GRIP1: variants seen among roughly 807,000 people sequenced by gnomAD.
The protein encoded by GRIP1 is glutamate receptor-interacting protein 1.
A neutral mutation model predicts 129.9 loss-of-function variants in GRIP1; 45 were observed. The ratio of observed to expected loss-of-function variants is 0.35; its 90% CI spans 0.27 to 0.44. The LOEUF (loss-of-function observed/expected upper bound fraction) is 0.44, where lower values mean the gene tolerates loss of function less well. GRIP1 is among the 20% of genes least tolerant of loss of function. The pLI, the probability that GRIP1 is intolerant of heterozygous loss-of-function variation, is 1.00. For synonymous variants in GRIP1, 530 were observed against 520.8 expected, an observed-to-expected ratio of 1.02 and a Z score of -0.24; for missense variants, 1,196 against 1,396.8, an observed-to-expected ratio of 0.86 and a Z score of 2.29.
chr12:66,498,324 T>A (rs570588986), intron 7 of GRIP1, among the ~76,000 whole-genome samples: 1 of 152,272 alleles, frequency 6.6e-6, no homozygotes, highest in Admixed American at 6.5e-5. Flanking sequence ...ATGCCTGAGA[T>A]GGGGAAGATG....
At chr12:66,978,829 C>T (rs1210414049) in intron 1 of GRIP1, among the ~76,000 whole-genome samples, 1 of 152,160 alleles carries the variant, frequency 6.6e-6, no homozygotes, top group Non-Finnish European at 1.5e-5. Flanking sequence ...TTTTCTTTCA[C>T]TTGATCTGAC....
At chr12:66,610,377 A>G (rs2064743205) in intron 1 of GRIP1, among the ~76,000 whole-genome samples, 1 of 152,124 alleles carries the variant, frequency 6.6e-6, no homozygotes, top group African/African-American at 2.4e-5. Flanking sequence ...AGTAGATCCA[A>G]AAGGACTCCT....
chr12:66,932,680 G>GT lies in GRIP1; in HGVS notation c.58+136369dup, dbSNP rs567617733. Among the ~76,000 whole-genome samples, 27 of 151,574 alleles carry GT rather than the reference G, an allele frequency of 1.8e-4. No homozygotes were observed. The South Asian group carries it at 5.0e-3, about 28-fold the overall frequency. ...TCAATGTTTTTTGTTTTTGTTTTTT[G>GT]TTTTTTTAGATGGAGTGTCACTCTG... On this transcript the variant is annotated intron_variant, in intron 1 of 1. Transcript: ENST00000643019.
chr12:66,656,552 G>GT (rs983964531), intron 1 of GRIP1, among the ~76,000 whole-genome samples: 2 of 151,968 alleles, frequency 1.3e-5, no homozygotes, highest in Non-Finnish European at 2.9e-5. Context: ...TTGCACTGTT[G>GT]TTTTTCTTAT....
At chr12:66,703,468 G>A (rs536807154) in intron 1 of GRIP1, among the ~76,000 whole-genome samples, 4 of 152,172 alleles carry the variant, frequency 2.6e-5, no homozygotes, top group South Asian at 2.1e-4. Context: ...GGGAAGATCC[G>A]CTAGGAGGTG....
intron 2 of GRIP1, among the ~76,000 whole-genome samples, chr12:66,553,857 T>C (rs932613861): frequency 2.0e-5 from 3 of 151,918 alleles, no homozygotes; most frequent in Non-Finnish European, 2.9e-5. Flanking sequence ...GAGGAAGCAT[T>C]TGGACCAGCC....
intron 1 of GRIP1, among the ~76,000 whole-genome samples, chr12:66,664,683 T>C (rs1281285116): frequency 2.0e-5 from 3 of 152,206 alleles, no homozygotes; most frequent in Admixed American, 2.0e-4. Context: ...TTCACCTTAA[T>C]AATTGTGGTG....
chr12:66,871,861 G>C (rs1417237461), intron 1 of GRIP1, among the ~76,000 whole-genome samples: 1 of 152,000 alleles, frequency 6.6e-6, no homozygotes, highest in Non-Finnish European at 1.5e-5. Flanking sequence ...TATATAAATT[G>C]GTACAGAGTT....
intron 1 of GRIP1, among the ~76,000 whole-genome samples, chr12:66,962,496 T>G (rs187657701): frequency 1.0e-3 from 156 of 152,080 alleles, no homozygotes; most frequent in Non-Finnish European, 1.7e-3. Flanking sequence ...TAAATAATAC[T>G]AAAAAGCGAA....
chr12:66,736,657 G>T (rs1032595669), intron 1 of GRIP1, among the ~76,000 whole-genome samples: 1 of 151,714 alleles, frequency 6.6e-6, no homozygotes, highest in African/African-American at 2.4e-5. Context: ...AAGAAAATCT[G>T]CACACTAGTG....
intron 4 of GRIP1, among the ~76,000 whole-genome samples, chr12:66,537,828 G>T (rs2061651815): frequency 6.6e-6 from 1 of 152,152 alleles, no homozygotes; most frequent in Admixed American, 6.5e-5. Flanking sequence ...AAGAAAGTTG[G>T]CTTTGCCATT....
intron 1 of GRIP1, among the ~76,000 whole-genome samples, chr12:66,775,697 T>A (rs1454487340): frequency 6.6e-6 from 1 of 151,640 alleles, no homozygotes; most frequent in African/African-American, 2.4e-5. Flanking sequence ...TAATAATTAT[T>A]TATAAAGTTA....
At chr12:66,379,189 A>T in intron 20 of GRIP1, 91 bp downstream of exon 20, 1 of 1,289,206 alleles carries the variant, frequency 7.8e-7, no homozygotes, top group Non-Finnish European at 1.1e-6. Context: ...CCATACTAAC[A>T]ATATGTGCTA....
intron 19 of GRIP1, among the ~76,000 whole-genome samples, chr12:66,381,989 G>A (rs2056131282): frequency 6.6e-6 from 1 of 152,202 alleles, no homozygotes; most frequent in African/African-American, 2.4e-5. Flanking sequence ...ACTTTGGGAA[G>A]CCAAGACAGG....
chr12:66,655,462 A>G (rs952006444), intron 1 of GRIP1, among the ~76,000 whole-genome samples: 52 of 152,168 alleles, frequency 3.4e-4, no homozygotes, highest in Non-Finnish European at 5.9e-5. Flanking sequence ...TTACAGCTGT[A>G]TCTACATTGA....
chr12:66,960,048 G>A (rs867415449), intron 1 of GRIP1, among the ~76,000 whole-genome samples: 1 of 152,128 alleles, frequency 6.6e-6, no homozygotes, highest in South Asian at 2.1e-4. Flanking sequence ...AGAAATATAT[G>A]GTATGTTTAG....
chr12:66,641,581 A>G (rs2031930276), intron 1 of GRIP1, among the ~76,000 whole-genome samples: 2 of 152,226 alleles, frequency 1.3e-5, no homozygotes, highest in African/African-American at 4.8e-5. Context: ...TTCATGACAC[A>G]TAGGAGCAAC....
Position 66,667,022 on chromosome 12 carries a change from G to A in GRIP1, c.55+11828C>T, listed in dbSNP as rs537210979. On this transcript the variant is annotated intron_variant, in intron 1 of 24. Coordinates refer to ENST00000359742, the MANE Select transcript of GRIP1 (RefSeq NM_001366722.1). ...ATGTCCTGGAAGAGGATTTGTTTAT[G>A]TCTTTGTTTAGTAATTTTGCTTAGA... Among the ~76,000 whole-genome samples the A allele has an allele frequency of 2.3e-4, 35 of 152,030 alleles. No individual in the cohort carries two copies. The South Asian group carries it at 5.2e-3, about 23-fold the overall frequency.
chr12:66,480,720 A>G lies in GRIP1; in HGVS notation c.725-15298T>C, dbSNP rs146889510. 6.0e-3 allele frequency among the ~76,000 whole-genome samples: 918 copies of G among 152,322 alleles called. 8 individuals carry two copies. The highest frequency in any genetic ancestry group is 0.021 in the African/African-American group (874 of 41,562). ...TACTGGTATCAAAACAGAGATATAG[A>G]CCAATGGAACAGAACAGAGGCCTCA... is the stretch of plus-strand genomic sequence containing the variant. On this transcript the variant is annotated intron_variant, in intron 7 of 24. Coordinates refer to ENST00000359742, the MANE Select transcript of GRIP1 (RefSeq NM_001366722.1).
Sources: gnomAD v4.1 joint callset for allele counts (sites outside exome capture counted in the v4.1 genomes callset) on GRCh38, gnomAD v4.1.1 for gene constraint, MANE v1.5 for transcripts, NCBI Gene and HGNC (gene_info 2026-07-23, HGNC 2026-07-21) for gene names.